The following TUBD1 variants were observed in gnomAD, a reference collection of about 807,000 sequenced individuals.
TUBD1 encodes the protein tubulin delta chain.
A neutral mutation model predicts 51.2 loss-of-function variants in TUBD1; 38 were observed. That is an observed-to-expected ratio of 0.74 (90% CI 0.57 to 0.97). The LOEUF is 0.97. Ranked by LOEUF, TUBD1 falls within the 50% of genes least tolerant of loss-of-function variation. The pLI is 0.00. For missense variants in TUBD1, 489 were observed against 538.4 expected (o/e 0.91, Z 0.91); for synonymous variants, 169 against 178.2 (o/e 0.95, Z 0.41).
chr17:59,879,632 C>G (rs573605732), intron 4 of TUBD1, among the ~76,000 whole-genome samples: 58 of 152,024 alleles, frequency 3.8e-4, no homozygotes, highest in Non-Finnish European at 6.5e-4. Context: ...GAAGGGGTTT[C>G]GCCATGTTGG....
intron 6 of TUBD1, 58 bp downstream of exon 6, chr17:59,874,481 C>T: frequency 1.3e-6 from 2 of 1,566,858 alleles, no homozygotes; most frequent in Non-Finnish European, 1.7e-6. Context: ...TATATTGAGA[C>T]TCCAGGACAG....
At position 59,870,516 on chromosome 17, in the gene TUBD1, G is replaced by A. The variant is rs114053069; in HGVS notation, c.935-3767C>T. ...GGAGTGCGCTCTTCCACCCTAGAAG[G>A]TTTCTGCTGTGAAAAGGCTAAACCT... On this transcript the variant is annotated intron_variant, in intron 6 of 8. Coordinates refer to ENST00000325752, the MANE Select transcript of TUBD1 (RefSeq NM_016261.4). Among the ~76,000 whole-genome samples, 638 of 151,962 alleles carry A rather than the reference G, an allele frequency of 4.2e-3. 6 individuals carry two copies. The highest frequency in any genetic ancestry group is 0.014 in the African/African-American group (581 of 41,486).
chr17:59,866,110 CAAAAAA>C (rs1191579900), intron 7 of TUBD1, among the ~76,000 whole-genome samples: 1 of 76,218 alleles, frequency 1.3e-5, no homozygotes, highest in Non-Finnish European at 2.9e-5. Context: ...GACCCCGTCT[CAAAAAA>C]AAAAAAAAAA....
intron 6 of TUBD1, 46 bp downstream of exon 6, chr17:59,874,493 C>T (rs555488020): frequency 4.4e-6 from 7 of 1,587,306 alleles, no homozygotes; most frequent in South Asian, 2.3e-5. Context: ...CCAGGACAGA[C>T]ATTTTTTCCA....
chr17:59,869,842 A>G (rs777486115), intron 6 of TUBD1, among the ~76,000 whole-genome samples: 1 of 152,198 alleles, frequency 6.6e-6, no homozygotes, highest in Non-Finnish European at 1.5e-5. Context: ...AGTGATTTCT[A>G]GTTACACATG....
chr17:59,889,988 G>T (rs1303774186), intron 2 of TUBD1, among the ~76,000 whole-genome samples: 1 of 140,140 alleles, frequency 7.1e-6, no homozygotes, highest in African/African-American at 2.8e-5. Flanking sequence ...AAAAAAAAAA[G>T]AGAGACAGAG....
intron 6 of TUBD1, among the ~76,000 whole-genome samples, chr17:59,870,071 G>A (rs2039906741): frequency 6.6e-6 from 1 of 151,838 alleles, no homozygotes; most frequent in Admixed American, 6.6e-5. Flanking sequence ...TTTTCAAAGT[G>A]AAAAAAAGGC....
At chr17:59,876,032 A>G (rs1055443849) in intron 5 of TUBD1, among the ~76,000 whole-genome samples, 18 of 152,328 alleles carry the variant, frequency 1.2e-4, no homozygotes, top group African/African-American at 3.4e-4. Flanking sequence ...ACAAACATCT[A>G]TAAGATGCTA....
intron 4 of TUBD1, among the ~76,000 whole-genome samples, chr17:59,879,070 T>C (rs1165368874): frequency 1.3e-5 from 2 of 151,626 alleles, no homozygotes; most frequent in Non-Finnish European, 2.9e-5. Flanking sequence ...ATGTTGAGGG[T>C]TCAAGACCAG....
intron 8 of TUBD1, among the ~76,000 whole-genome samples, chr17:59,862,494 A>G (rs1318934982): frequency 2.0e-5 from 3 of 151,910 alleles, no homozygotes; most frequent in Non-Finnish European, 4.4e-5. Context: ...CTTATTGAGG[A>G]ACATAAGGAT....
At chr17:59,885,796 A>C (rs886514493) in intron 3 of TUBD1, among the ~76,000 whole-genome samples, 15 of 152,196 alleles carry the variant, frequency 9.9e-5, no homozygotes, top group African/African-American at 2.9e-4. Flanking sequence ...TATCATTGAG[A>C]TATCTGCCAG....
chr17:59,873,431 T>G (rs1268621796), intron 6 of TUBD1, among the ~76,000 whole-genome samples: 2 of 151,160 alleles, frequency 1.3e-5, no homozygotes, highest in Non-Finnish European at 3.0e-5. Flanking sequence ...TTATATTTCT[T>G]GTAGAGATGG....
At position 59,892,738 on chromosome 17, in the gene TUBD1, G is replaced by C. The variant is rs2041182079; in HGVS notation, c.-81C>G. On this transcript the variant is annotated 5_prime_UTR_variant, in exon 1 of 9. Coordinates refer to ENST00000325752, the MANE Select transcript of TUBD1 (RefSeq NM_016261.4). Reference sequence around the variant, plus strand: ...GCGCTTCTGTCCGGTTCAAACTTCGGACCAACCTACTCACCATGCGCATGC... The same window carrying C: ...GCGCTTCTGTCCGGTTCAAACTTCGCACCAACCTACTCACCATGCGCATGC... 1 of 161,334 alleles carries C rather than the reference G, an allele frequency of 6.2e-6. No individual in the cohort carries two copies. Among genetic ancestry groups the C allele is most frequent in the African/African-American group, 2.4e-5 (1 of 41,592 alleles). 10.0% of individuals were successfully genotyped at this position (161,334 alleles called of 1,614,324 possible).
intron 4 of TUBD1, among the ~76,000 whole-genome samples, chr17:59,880,236 T>C (rs1293174261): frequency 5.3e-5 from 8 of 151,786 alleles, no homozygotes; most frequent in African/African-American, 1.9e-4. Flanking sequence ...TTTTTGTATT[T>C]TTAGTAGAAA....
At chr17:59,878,478 T>C (rs2040327509) in intron 4 of TUBD1, 144 bp from the exon 5 acceptor site, 2 of 595,484 alleles carry the variant, frequency 3.4e-6, no homozygotes, top group Non-Finnish European at 5.9e-6. Context: ...TTAATCTCTA[T>C]GCTCAGTTTC....
Position 59,886,353 on chromosome 17 carries a change from G to C in TUBD1, c.173-123C>G, listed in dbSNP as rs2040725630. 6.8e-6 allele frequency: 7 copies of C among 1,035,606 alleles called. No homozygotes were observed. The South Asian group carries it at 1.2e-4, about 18-fold the overall frequency. The allele number at this position is 1,035,606 out of a possible 1,614,324, so 64.2% of individuals were successfully genotyped here. A position where few individuals can be genotyped will look rare whatever the true frequency, so the allele number is the denominator to read the frequency against. Reference sequence around the variant, plus strand: ...AAAAAAAAAAATTCCAGGGGTTGTGGTTAGAAAGATCTGTCGTACTGCTTA... The same window carrying C: ...AAAAAAAAAAATTCCAGGGGTTGTGCTTAGAAAGATCTGTCGTACTGCTTA... On this transcript the variant is annotated intron_variant, in intron 2 of 8. Coordinates refer to ENST00000325752, the MANE Select transcript of TUBD1 (RefSeq NM_016261.4).
At chr17:59,886,888 TAA>T (rs2040760992) in intron 2 of TUBD1, among the ~76,000 whole-genome samples, 1 of 151,242 alleles carries the variant, frequency 6.6e-6, no homozygotes, top group African/African-American at 2.4e-5. Flanking sequence ...CCGATCCTAC[TAA>T]AAATACAAAA....
At chr17:59,880,847 A>G (rs138758651) in intron 4 of TUBD1, 47 bp downstream of exon 4, 2 of 1,541,500 alleles carry the variant, frequency 1.3e-6, no homozygotes, top group Non-Finnish European at 1.8e-6. Flanking sequence ...ATTTATTTCT[A>G]TTGCAAAGAA....
intron 8 of TUBD1, among the ~76,000 whole-genome samples, chr17:59,863,118 G>A (rs575714793): frequency 6.6e-6 from 1 of 152,212 alleles, no homozygotes; most frequent in Non-Finnish European, 1.5e-5. Context: ...TTACTAGCCA[G>A]GCACTGTACT....
Sources: allele counts gnomAD v4.1 joint callset (sites outside exome capture counted in the v4.1 genomes callset), GRCh38; gene constraint gnomAD v4.1.1; transcripts MANE v1.5; gene names NCBI Gene and HGNC (gene_info 2026-07-23, HGNC 2026-07-21).